Variants in NTN1 observed in about 807,000 individuals in gnomAD.
NTN1 encodes the protein netrin 1, also known as netrin-1.
A neutral mutation model predicts 54.2 loss-of-function variants in NTN1; 11 were observed. That is an observed-to-expected ratio of 0.20 (90% confidence interval 0.13 to 0.34). NTN1 has a LOEUF of 0.34. Ranked by LOEUF, NTN1 falls within the 10% of genes least tolerant of loss-of-function variation. The pLI is 1.00. For missense variants in NTN1, 740 were observed against 893.1 expected, an observed-to-expected ratio of 0.83 and a Z score of 2.18; for synonymous variants, 371 against 382.0, an observed-to-expected ratio of 0.97 and a Z score of 0.33.
At chr17:9,115,320 A>C (rs80229017) in intron 2 of NTN1, among the ~76,000 whole-genome samples, 2 of 152,120 alleles carry the variant, frequency 1.3e-5, no homozygotes, top group Admixed American at 6.5e-5. Context: ...TAGGCAATGG[A>C]GGTGGTTTTG....
At chr17:9,159,599 A>G (rs1485995503) in intron 2 of NTN1, among the ~76,000 whole-genome samples, 1 of 152,118 alleles carries the variant, frequency 6.6e-6, no homozygotes, top group Admixed American at 6.6e-5. Context: ...CAGGAGTTTG[A>G]GACCAGTCTG....
intron 6 of NTN1, among the ~76,000 whole-genome samples, chr17:9,230,412 C>T (rs899571198): frequency 6.6e-6 from 1 of 150,780 alleles, no homozygotes; most frequent in Non-Finnish European, 1.5e-5. Flanking sequence ...GGTCACCGGC[C>T]CCTGGGGAAT....
chr17:9,164,180 T>C (rs2092367191), intron 3 of NTN1, among the ~76,000 whole-genome samples: 1 of 152,218 alleles, frequency 6.6e-6, no homozygotes, highest in Admixed American at 6.5e-5. Context: ...CTTCCAGCAC[T>C]TTGGGAGGCC....
chr17:9,023,011 T>C lies in NTN1; in HGVS notation c.638T>C (p.Leu213Pro), dbSNP rs2091858139. The C allele has an allele frequency of 6.2e-7, 1 of 1,605,558 alleles. No homozygotes were observed. The highest frequency in any genetic ancestry group is 8.5e-7 in the Non-Finnish European group (1 of 1,177,264). ...GACTCGCACACCGACATGCGCCCGC[T>C]CTCGGGCGGCCTCATCGCCTTCAGC... is the stretch of plus-strand genomic sequence containing the variant. ...CTDSHTDMRP[L>P]SGGLIAFSTL... The change falls in exon 2 of 7, where the codon CTC becomes CCC. Residue 213 changes from leucine to proline, a missense_variant. Coordinates refer to ENST00000173229, the MANE Select transcript of NTN1 (RefSeq NM_004822.3).
intron 2 of NTN1, among the ~76,000 whole-genome samples, chr17:9,088,486 C>T (rs997396465): frequency 1.3e-5 from 2 of 152,036 alleles, no homozygotes; most frequent in Admixed American, 6.5e-5. Flanking sequence ...CAAAGCAAGC[C>T]GCTCTATGTT....
intron 2 of NTN1, among the ~76,000 whole-genome samples, chr17:9,050,668 CAAAAAAA>C (rs11302328): frequency 1.7e-5 from 1 of 58,672 alleles, no homozygotes; most frequent in African/African-American, 6.4e-5. Context: ...GACTCCATCT[CAAAAAAA>C]AAAAAAAAAA....
intron 2 of NTN1, among the ~76,000 whole-genome samples, chr17:9,123,113 C>T (rs1411444006): frequency 6.6e-6 from 1 of 152,072 alleles, no homozygotes; most frequent in African/African-American, 2.4e-5. Flanking sequence ...ACTTTTGACG[C>T]GTTTGTATCT....
chr17:9,072,337 A>T (rs1399691578), intron 2 of NTN1, among the ~76,000 whole-genome samples: 1 of 149,454 alleles, frequency 6.7e-6, no homozygotes, highest in Non-Finnish European at 1.5e-5. Flanking sequence ...CCCTGGCTCC[A>T]GCTAACCCTT....
chr17:9,022,555 G>A lies in NTN1; in HGVS notation c.182G>A (p.Gly61Asp), dbSNP rs1212597776. 10 of 1,548,598 alleles carry A rather than the reference G, an allele frequency of 6.5e-6. No individual in the cohort carries two copies. The highest frequency in any genetic ancestry group is 8.7e-6 in the Non-Finnish European group (10 of 1,148,814). Residue 61 changes from glycine to aspartate, a missense_variant, in exon 2 of 7, where the codon GGC becomes GAC. Gly to Asp is a moderately conservative substitution (Grantham distance 94, BLOSUM62 -1). Coordinates refer to ENST00000173229, the MANE Select transcript of NTN1 (RefSeq NM_004822.3). ...CIPDFVNAAF[G>D]KDVRVSSTCG... ...CCGGACTTTGTCAATGCGGCCTTCG[G>A]CAAGGACGTGCGCGTGTCCAGCACC...
At chr17:9,111,473 G>C (rs768104568) in intron 2 of NTN1, among the ~76,000 whole-genome samples, 7 of 152,168 alleles carry the variant, frequency 4.6e-5, no homozygotes, top group Admixed American at 3.3e-4. Context: ...GAAGAAAAAT[G>C]CATCTGGGAG....
chr17:9,160,915 G>A (rs977044227), intron 2 of NTN1, among the ~76,000 whole-genome samples: 1 of 152,220 alleles, frequency 6.6e-6, no homozygotes, highest in Non-Finnish European at 1.5e-5. Flanking sequence ...CAAGATCTGT[G>A]CCATTGCACT....
At position 9,243,454 on chromosome 17, in the gene NTN1, A is replaced by C. The variant is rs1019440614; in HGVS notation, c.*3486A>C. ...GGGGAATGGTTCCTGCCTTCAGGAAAGTGAAAGACGCTTAGGCTGTCAACA... is the reference window on the plus strand; with the variant it reads ...GGGGAATGGTTCCTGCCTTCAGGAACGTGAAAGACGCTTAGGCTGTCAACA... On this transcript the variant is annotated 3_prime_UTR_variant, in exon 7 of 7. Transcript: ENST00000173229. 13 of 152,258 alleles carry C rather than the reference A, an allele frequency of 8.5e-5. No individual in the cohort carries two copies. The highest frequency in any genetic ancestry group is 8.5e-4 in the Admixed American group (13 of 15,288). 9.4% of individuals were successfully genotyped at this position (152,258 alleles called of 1,614,324 possible). A position where few individuals can be genotyped will look rare whatever the true frequency, so the allele number is the denominator to read the frequency against.
intron 2 of NTN1, among the ~76,000 whole-genome samples, chr17:9,145,199 C>T (rs755526721): frequency 2.6e-5 from 4 of 152,238 alleles, no homozygotes; most frequent in Non-Finnish European, 4.4e-5. Flanking sequence ...GAATTAGCCA[C>T]ATCCACAGCA....
chr17:9,056,056 C>G (rs1055507525), intron 2 of NTN1, among the ~76,000 whole-genome samples: 1 of 140,000 alleles, frequency 7.1e-6, no homozygotes, highest in Non-Finnish European at 1.5e-5. Context: ...CACCATTATG[C>G]CTGGCTAATT....
At chr17:9,093,093 A>G (rs1597484949) in intron 2 of NTN1, among the ~76,000 whole-genome samples, 2 of 151,994 alleles carry the variant, frequency 1.3e-5, no homozygotes, top group African/African-American at 4.8e-5. Context: ...GGGTTTTGCC[A>G]TGTTGGCCAG....
chr17:9,078,502 A>T (rs2092059279), intron 2 of NTN1, among the ~76,000 whole-genome samples: 1 of 152,232 alleles, frequency 6.6e-6, no homozygotes, highest in Non-Finnish European at 1.5e-5. Flanking sequence ...AGTACCTGAG[A>T]GTCTGCATGA....
At chr17:9,087,780 C>A in intron 2 of NTN1, among the ~76,000 whole-genome samples, 1 of 151,382 alleles carries the variant, frequency 6.6e-6, no homozygotes, top group South Asian at 2.1e-4. Flanking sequence ...TGCCCAGTAG[C>A]TTTCACGAAC....
intron 6 of NTN1, among the ~76,000 whole-genome samples, chr17:9,226,171 G>GGGC (rs1555578672): frequency 6.8e-6 from 1 of 147,538 alleles, no homozygotes; most frequent in Admixed American, 6.7e-5. Context: ...TCGGGGGGGG[G>GGGC]CCTCAGTGCC....
intron 3 of NTN1, chr17:9,175,839 C>T (rs1197580414): frequency 6.6e-6 from 1 of 152,224 alleles, no homozygotes; most frequent in African/African-American, 2.4e-5. Context: ...GGGCTTCCGT[C>T]TGGCCTCACC....
Sources: allele counts gnomAD v4.1 joint callset (sites outside exome capture counted in the v4.1 genomes callset), GRCh38; gene constraint gnomAD v4.1.1; transcripts MANE v1.5; gene names NCBI Gene and HGNC (gene_info 2026-07-23, HGNC 2026-07-21).